Variants in GRM7 observed in about 807,000 individuals in gnomAD.
GRM7 encodes metabotropic glutamate receptor 7.
Under a neutral mutation model 84.5 loss-of-function variants are expected in GRM7, and 35 were observed. That is an observed-to-expected ratio of 0.41 (90% CI 0.32 to 0.55). The LOEUF (loss-of-function observed/expected upper bound fraction) is 0.55. GRM7 is among the 20% of genes least tolerant of loss of function. The pLI, the probability that GRM7 is intolerant of heterozygous loss-of-function variation, is 0.19. For missense variants in GRM7, 1,003 were observed against 1,194.6 expected (o/e 0.84, Z 2.36); for synonymous variants, 487 against 455.1 (o/e 1.07, Z -0.89).
chr3:6,997,739 C>T (rs1694872896), intron 1 of GRM7, among the ~76,000 whole-genome samples: 1 of 152,104 alleles, frequency 6.6e-6, no homozygotes, highest in Non-Finnish European at 1.5e-5. Context: ...CAACAGTTCC[C>T]CAAAGTCTTA....
chr3:7,590,028 A>G (rs561195232), intron 8 of GRM7, among the ~76,000 whole-genome samples: 2 of 152,312 alleles, frequency 1.3e-5, no homozygotes, highest in South Asian at 4.1e-4. Flanking sequence ...CTGTAGTGAT[A>G]CTATCTTTAT....
At chr3:7,373,914 C>T in intron 4 of GRM7, among the ~76,000 whole-genome samples, 1 of 152,120 alleles carries the variant, frequency 6.6e-6, no homozygotes, top group African/African-American at 2.4e-5. Flanking sequence ...TTTATTTAAC[C>T]TTAATTTTAA....
intron 2 of GRM7, among the ~76,000 whole-genome samples, chr3:7,219,721 G>T (rs1696736282): frequency 6.6e-6 from 1 of 152,200 alleles, no homozygotes; most frequent in South Asian, 2.1e-4. Context: ...CAGGCCTAAA[G>T]CAGGTATACA....
chr3:7,099,247 AAT>A (rs1559438758), intron 1 of GRM7, among the ~76,000 whole-genome samples: 5 of 127,454 alleles, frequency 3.9e-5, no homozygotes, highest in East Asian at 2.1e-4. Context: ...TGTATATATG[AAT>A]ACATGTATTA....
At chr3:7,712,671 A>G (rs1701624453) in intron 9 of GRM7, among the ~76,000 whole-genome samples, 1 of 142,570 alleles carries the variant, frequency 7.0e-6, no homozygotes, top group African/African-American at 2.6e-5. Flanking sequence ...TTTTGTGGTA[A>G]GAACACTTAA....
intron 9 of GRM7, among the ~76,000 whole-genome samples, chr3:7,702,495 A>G (rs572219356): frequency 6.6e-6 from 1 of 152,374 alleles, no homozygotes; most frequent in Non-Finnish European, 1.5e-5. Flanking sequence ...ATCTGGCTTC[A>G]AAGAGCCATT....
chr3:7,530,617 C>T (rs969593721), intron 7 of GRM7, among the ~76,000 whole-genome samples: 1 of 152,132 alleles, frequency 6.6e-6, no homozygotes. Context: ...TGTTTCCTGA[C>T]TTTTTAATGA....
At position 7,437,998 on chromosome 3, in the gene GRM7, A is replaced by G. The variant is rs549656945; in HGVS notation, c.1175-14609A>G. On this transcript the variant is annotated intron_variant, in intron 5 of 9. Coordinates refer to ENST00000357716, the MANE Select transcript of GRM7 (RefSeq NM_000844.4). Reference sequence around the variant, plus strand: ...AAAAAAAGGTCACAGAACATTAAATATAATGAGAAGGAATACGGCTCTAAG... The same window carrying G: ...AAAAAAAGGTCACAGAACATTAAATGTAATGAGAAGGAATACGGCTCTAAG... Among the ~76,000 whole-genome samples the G allele has an allele frequency of 9.8e-5, 15 of 152,302 alleles. No homozygotes were observed. The South Asian group carries it at 1.9e-3, about 19-fold the overall frequency.
intron 2 of GRM7, among the ~76,000 whole-genome samples, chr3:7,149,355 C>T (rs28404457): frequency 0.061 from 9,310 of 152,212 alleles, 725 homozygotes; most frequent in African/African-American, 0.17. Context: ...TTTAAAGACA[C>T]ACATCCCATG....
intron 7 of GRM7, among the ~76,000 whole-genome samples, chr3:7,476,562 T>A (rs60245248): frequency 2.0e-5 from 3 of 151,832 alleles, no homozygotes; most frequent in Non-Finnish European, 4.4e-5. Flanking sequence ...TAAGAAAAAA[T>A]TTAAAAAAAG....
intron 7 of GRM7, among the ~76,000 whole-genome samples, chr3:7,578,067 T>C (rs924941346): frequency 6.6e-6 from 1 of 152,218 alleles, no homozygotes; most frequent in Non-Finnish European, 1.5e-5. Context: ...TGCCAGTTTT[T>C]CTCAAGTTAT....
chr3:7,628,699 G>A (rs1243905552), intron 8 of GRM7, among the ~76,000 whole-genome samples: 7 of 152,122 alleles, frequency 4.6e-5, no homozygotes, highest in East Asian at 3.9e-4. Flanking sequence ...AGTCATCTCC[G>A]AGAATAGGTG....
At chr3:7,458,135 T>C (rs569805906) in intron 6 of GRM7, among the ~76,000 whole-genome samples, 68 of 152,300 alleles carry the variant, frequency 4.5e-4, no homozygotes, top group Middle Eastern at 6.8e-3. Flanking sequence ...GCTATCTGAA[T>C]CTCTATTCCT....
chr3:7,513,887 C>T (rs920253680), intron 7 of GRM7, among the ~76,000 whole-genome samples: 4 of 152,218 alleles, frequency 2.6e-5, no homozygotes, highest in Non-Finnish European at 5.9e-5. Flanking sequence ...TATTGCACTT[C>T]ATCTGTCCTA....
chr3:7,449,467 A>G (rs1401624575), intron 5 of GRM7, among the ~76,000 whole-genome samples: 1 of 152,184 alleles, frequency 6.6e-6, no homozygotes, highest in Non-Finnish European at 1.5e-5. Context: ...TCTGAAGATA[A>G]TGGTTAATAA....
At chr3:7,647,309 T>C (rs371997295) in intron 8 of GRM7, among the ~76,000 whole-genome samples, 1 of 152,234 alleles carries the variant, frequency 6.6e-6, no homozygotes, top group South Asian at 2.1e-4. Flanking sequence ...TTCCCTTTTC[T>C]TCCCAATCCT....
intron 1 of GRM7, among the ~76,000 whole-genome samples, chr3:7,124,596 T>C (rs1693336911): frequency 6.6e-6 from 1 of 152,182 alleles, no homozygotes; most frequent in African/African-American, 2.4e-5. Flanking sequence ...TGATAAAAGA[T>C]TCATTATTTT....
chr3:7,347,051 A>G (rs936643594), intron 4 of GRM7, among the ~76,000 whole-genome samples: 1 of 152,134 alleles, frequency 6.6e-6, no homozygotes, highest in African/African-American at 2.4e-5. Context: ...CAGAACATCC[A>G]CCAGGAAAAA....
chr3:7,184,230 A>G (rs547408716), intron 2 of GRM7, among the ~76,000 whole-genome samples: 63 of 152,252 alleles, frequency 4.1e-4, no homozygotes, highest in African/African-American at 1.4e-3. Context: ...AAAATAAGCT[A>G]TTCCCTTCTC....
Sources: gnomAD v4.1 joint callset for allele counts (sites outside exome capture counted in the v4.1 genomes callset) on GRCh38, gnomAD v4.1.1 for gene constraint, MANE v1.5 for transcripts, NCBI Gene and HGNC (gene_info 2026-07-23, HGNC 2026-07-21) for gene names.